VPS13B: variants seen among roughly 807,000 people sequenced by gnomAD.
VPS13B encodes the protein intermembrane lipid transfer protein VPS13B.
A neutral mutation model predicts 426.4 loss-of-function variants in VPS13B; 285 were observed. The ratio of observed to expected loss-of-function variants is 0.67; its 90% CI spans 0.61 to 0.74. The LOEUF is 0.74. VPS13B is among the 30% of genes least tolerant of loss of function. VPS13B has a pLI of 0.00. For synonymous variants in VPS13B, 1,676 were observed against 1,676.4 expected (o/e 1.00, Z 0.01); for missense variants, 4,537 against 4,782.6 (o/e 0.95, Z 1.51).
chr8:99,844,375 T>TG (rs1250075039), intron 54 of VPS13B, among the ~76,000 whole-genome samples: 3 of 151,292 alleles, frequency 2.0e-5, no homozygotes, highest in Admixed American at 6.6e-5. Flanking sequence ...TTTTTTTTTT[T>TG]TTTTTGAGAC....
At position 99,415,833 on chromosome 8, in the gene VPS13B, T is replaced by A. The variant is rs146741022; in HGVS notation, c.3083-15704T>A. Among the ~76,000 whole-genome samples the A allele has an allele frequency of 5.8e-3, 879 of 152,276 alleles. 3 individuals are homozygous for A. Among genetic ancestry groups the A allele is most frequent in the Middle Eastern group, 0.014 (4 of 294 alleles). ...CACCAGATGCCAGCTGGAGCTCTCC[T>A]GTATGTGGTGTCTGTCGACCCTTGC... On this transcript the variant is annotated intron_variant, in intron 21 of 61. Transcript: ENST00000357162.
chr8:99,275,047 T>C (rs1818821907), intron 18 of VPS13B, 34 bp from the exon 19 acceptor site: 2 of 1,534,276 alleles, frequency 1.3e-6, no homozygotes, highest in South Asian at 1.2e-5. Flanking sequence ...TCATGTTTTA[T>C]TTTTATTATT....
intron 33 of VPS13B, among the ~76,000 whole-genome samples, chr8:99,608,691 A>G (rs1827709659): frequency 1.3e-5 from 2 of 152,144 alleles, no homozygotes; most frequent in Admixed American, 1.3e-4. Context: ...CCACTAACAT[A>G]CCTTGTTTCT....
intron 3 of VPS13B, among the ~76,000 whole-genome samples, chr8:99,075,590 G>C (rs1258646420): frequency 6.6e-6 from 1 of 152,112 alleles, no homozygotes; most frequent in Non-Finnish European, 1.5e-5. Flanking sequence ...CAGGTTTTCT[G>C]TTTCTTTCTG....
Position 99,257,076 on chromosome 8 carries a change from C to T in VPS13B, c.2516-17122C>T, listed in dbSNP as rs1378971332. Among the ~76,000 whole-genome samples, 3 of 152,110 alleles carry T rather than the reference C, an allele frequency of 2.0e-5. 1 individual carries two copies. Among genetic ancestry groups the T allele is most frequent in the African/African-American group, 4.8e-5 (2 of 41,424 alleles). ...GACATATGAATCAAAGTTAGCACCACACATGAATGACCATTAGTAAATGAT... is the reference window on the plus strand; with the variant it reads ...GACATATGAATCAAAGTTAGCACCATACATGAATGACCATTAGTAAATGAT... On this transcript the variant is annotated intron_variant, in intron 17 of 61. Transcript: ENST00000357162.
chr8:99,313,280 T>C (rs954241433), intron 19 of VPS13B, among the ~76,000 whole-genome samples: 1 of 152,226 alleles, frequency 6.6e-6, no homozygotes, highest in Non-Finnish European at 1.5e-5. Flanking sequence ...TGGTCTGTTT[T>C]TTCTGCATCT....
At chr8:99,116,099 C>T (rs987309655) in intron 7 of VPS13B, among the ~76,000 whole-genome samples, 4 of 152,036 alleles carry the variant, frequency 2.6e-5, no homozygotes, top group African/African-American at 9.7e-5. Flanking sequence ...GCAATCATGG[C>T]TCACTGCAAC....
At chr8:99,813,517 C>G (rs1193505499) in intron 44 of VPS13B, among the ~76,000 whole-genome samples, 2 of 152,202 alleles carry the variant, frequency 1.3e-5, no homozygotes, top group Non-Finnish European at 2.9e-5. Flanking sequence ...CATCATAAGA[C>G]TTATCATGAG....
At position 99,691,517 on chromosome 8, in the gene VPS13B, A is replaced by G. The variant is rs901813838; in HGVS notation, c.6047-8008A>G. 1.2e-4 allele frequency among the ~76,000 whole-genome samples: 18 copies of G among 152,186 alleles called. No homozygotes were observed. In the Middle Eastern group the frequency reaches 0.01, roughly 86 times the overall value. On this transcript the variant is annotated intron_variant, in intron 35 of 61. Coordinates refer to ENST00000357162, the MANE Select transcript of VPS13B (RefSeq NM_152564.5). The stretch of plus-strand genomic sequence containing the variant: ...AGTTTCTGACCCTTTCCAATGCACA[A>G]CTAGCTGTAAACAAGACTCAGAGTT...
At chr8:99,676,231 A>G (rs1043581455) in intron 35 of VPS13B, among the ~76,000 whole-genome samples, 2 of 152,124 alleles carry the variant, frequency 1.3e-5, no homozygotes, top group South Asian at 2.1e-4. Flanking sequence ...GCCCAACACC[A>G]GGATGGAATC....
intron 33 of VPS13B, among the ~76,000 whole-genome samples, chr8:99,616,694 G>A (rs936677409): frequency 2.4e-4 from 36 of 152,230 alleles, no homozygotes; most frequent in Admixed American, 1.2e-3. Context: ...ACGTGGTGGC[G>A]GGTGCCTGTA....
intron 40 of VPS13B, among the ~76,000 whole-genome samples, chr8:99,774,029 C>T (rs1399552322): frequency 6.6e-6 from 1 of 152,048 alleles, no homozygotes; most frequent in East Asian, 1.9e-4. Flanking sequence ...TCCTATTGTA[C>T]TTAGATCATT....
At chr8:99,129,573 A>AC (rs1809641700) in intron 8 of VPS13B, among the ~76,000 whole-genome samples, 1 of 150,436 alleles carries the variant, frequency 6.6e-6, no homozygotes, top group South Asian at 2.1e-4. Flanking sequence ...TCTCCTTAAA[A>AC]AAAAAAAAAA....
chr8:99,602,595 C>G (rs964996188), intron 33 of VPS13B, among the ~76,000 whole-genome samples: 12 of 152,180 alleles, frequency 7.9e-5, no homozygotes, highest in Non-Finnish European at 1.3e-4. Context: ...GTCAAATTGT[C>G]TCTGTTTGCA....
chr8:99,059,244 C>G (rs149522879), intron 3 of VPS13B, among the ~76,000 whole-genome samples: 2 of 152,312 alleles, frequency 1.3e-5, no homozygotes, highest in East Asian at 3.9e-4. Context: ...TCAAGTGATT[C>G]TCCAGCCTTA....
intron 33 of VPS13B, among the ~76,000 whole-genome samples, chr8:99,628,572 C>T (rs1050396519): frequency 6.6e-6 from 1 of 152,000 alleles, no homozygotes; most frequent in Admixed American, 6.6e-5. Context: ...CTAATTAGTC[C>T]CTACAATTAA....
At chr8:99,744,037 C>T (rs1473712719) in intron 39 of VPS13B, among the ~76,000 whole-genome samples, 4 of 152,080 alleles carry the variant, frequency 2.6e-5, no homozygotes, top group Non-Finnish European at 5.9e-5. Context: ...AGTGAACAGG[C>T]AACCTACAAA....
intron 17 of VPS13B, among the ~76,000 whole-genome samples, chr8:99,265,430 G>A (rs1191547227): frequency 6.6e-6 from 1 of 152,096 alleles, no homozygotes; most frequent in East Asian, 1.9e-4. Context: ...TTCTAAGCCT[G>A]GTACTTAGTA....
In VPS13B at chr8:99,575,681, G is replaced by C. The variant is rs1408471089; in HGVS notation, c.4973G>C (p.Arg1658Thr). 1 of 1,613,872 alleles carries C rather than the reference G, an allele frequency of 6.2e-7. No individual in the cohort carries two copies. Among genetic ancestry groups the C allele is most frequent in the South Asian group, 1.1e-5 (1 of 91,070 alleles). Residue 1658 changes from arginine (R) to threonine (T), a missense_variant, in exon 32 of 62, where the codon AGA becomes ACA. Physicochemically the swap from Arg to Thr is moderately conservative, Grantham distance 71. Transcript: ENST00000357162. ...ASSIRRHQER[R>T]AILTPVLTDF... The stretch of plus-strand genomic sequence containing the variant: ...AGCATACGGCGGCATCAAGAAAGGA[G>C]AGCAATTTTGACCCCCGTTTTGACA...
Sources: allele counts gnomAD v4.1 joint callset (sites outside exome capture counted in the v4.1 genomes callset), GRCh38; gene constraint gnomAD v4.1.1; transcripts MANE v1.5; gene names NCBI Gene and HGNC (gene_info 2026-07-23, HGNC 2026-07-21).